The following GPC2 variants were observed in gnomAD, a reference collection of about 807,000 sequenced individuals.
GPC2 encodes glypican-2.
Under a neutral mutation model 57.3 loss-of-function variants are expected in GPC2, and 42 were observed. The observed-to-expected ratio is 0.73, with a 90% CI of 0.57 to 0.95. The LOEUF (loss-of-function observed/expected upper bound fraction) is 0.95, where lower values mean the gene tolerates loss of function less well. Among genes scored for constraint, GPC2 ranks in the 40% least tolerant of loss-of-function variants. The pLI, the probability that GPC2 is intolerant of heterozygous loss-of-function variation, is 0.00. For synonymous variants in GPC2, 364 were observed against 343.4 expected (o/e 1.06, Z -0.66); for missense variants, 745 against 793.6 (o/e 0.94, Z 0.74).
chr7:100,177,281 C>T lies in GPC2; in HGVS notation c.-82G>A. ...CAAACTCGGGAATCCGGTACTCGGCCGCGGGACCGCTCCGCGGGCCAGAGA... is the reference window on the plus strand; with the variant it reads ...CAAACTCGGGAATCCGGTACTCGGCTGCGGGACCGCTCCGCGGGCCAGAGA... On this transcript the variant is annotated 5_prime_UTR_variant, in exon 1 of 10. Coordinates refer to ENST00000292377, the MANE Select transcript of GPC2 (RefSeq NM_152742.3). 2 of 1,247,882 alleles carry T rather than the reference C, an allele frequency of 1.6e-6. No homozygotes were observed. The highest frequency in any genetic ancestry group is 3.1e-5 in the South Asian group (2 of 63,928). 77.3% of individuals were successfully genotyped at this position (1,247,882 alleles called of 1,614,324 possible).
Position 100,176,271 on chromosome 7 carries a change from G to C in GPC2, c.261C>G (p.Gly87=). 6.2e-7 allele frequency: 1 copy of C among 1,614,018 alleles called. No homozygotes were observed. The highest frequency in any genetic ancestry group is 8.5e-7 in the Non-Finnish European group (1 of 1,179,948). ...LIRETEATFR[G]LVEDSGSFLV... is the part of the protein sequence containing the mutation. ...GAAAGGAGCCGCTGTCCTCCACCAG[G>C]CCTCGGAAGGTGGCCTCAGTCTCCC... Residue 87 remains glycine (G), a synonymous_variant, in exon 2 of 10, where the codon GGC becomes GGG. Coordinates refer to ENST00000292377, the MANE Select transcript of GPC2 (RefSeq NM_152742.3).
chr7:100,171,754 C>T lies in GPC2; in HGVS notation c.1170+25G>A, dbSNP rs1414555130. 1 of 1,513,062 alleles carries T rather than the reference C, an allele frequency of 6.6e-7. No homozygotes were observed. Among genetic ancestry groups the T allele is most frequent in the South Asian group, 1.2e-5 (1 of 81,128 alleles). 93.7% of individuals were successfully genotyped at this position (1,513,062 alleles called of 1,614,324 possible). A position where few individuals can be genotyped will look rare whatever the true frequency, so the allele number is the denominator to read the frequency against. ...ATCCCCGGCCCCGGGCCCCCCCGCCCCCAACTCTTGGTCATCCCACGCACC... is the reference window on the plus strand; with the variant it reads ...ATCCCCGGCCCCGGGCCCCCCCGCCTCCAACTCTTGGTCATCCCACGCACC... On this transcript the variant is annotated intron_variant, in intron 7 of 9. Coordinates refer to ENST00000292377, the MANE Select transcript of GPC2 (RefSeq NM_152742.3). This position sits in a 1 kb window ranked among gnomAD's most constrained non-coding sequence, Gnocchi z 4.8.
chr7:100,175,564 T>A lies in GPC2; in HGVS notation c.648+8A>T. The stretch of plus-strand genomic sequence containing the variant: ...AGTGGTTGAAGCTCAGGCCTCAGGA[T>A]CCCTCACCTGCAGGCGGAGGCGGCG... On this transcript the variant is annotated splice_region_variant and intron_variant, in intron 3 of 9. Coordinates refer to ENST00000292377, the MANE Select transcript of GPC2 (RefSeq NM_152742.3). 6.2e-7 allele frequency: 1 copy of A among 1,600,330 alleles called. No individual in the cohort carries two copies. The highest frequency in any genetic ancestry group is 1.1e-5 in the South Asian group (1 of 89,602).
Position 100,174,706 on chromosome 7 carries a change from A to G in GPC2, c.708T>C (p.Asn236=). 6.2e-7 allele frequency: 1 copy of G among 1,613,590 alleles called. No individual in the cohort carries two copies. Among genetic ancestry groups the G allele is most frequent in the South Asian group, 1.1e-5 (1 of 91,024 alleles). ...CAACCTTAAGCGCTTCGCTGACCAC[A>G]TTTCTTCCAGTCTCCAGGCCCTGCA... is the stretch of plus-strand genomic sequence containing the variant. ...AFVQGLETGR[N]VVSEALKVPV... is the part of the protein sequence containing the mutation. The change falls in exon 4 of 10, where the codon AAT becomes AAC. Residue 236 remains asparagine, a synonymous_variant. Coordinates refer to ENST00000292377, the MANE Select transcript of GPC2 (RefSeq NM_152742.3).
chr7:100,172,751 A>ATATATATGTGTG (rs1799205618), intron 5 of GPC2, among the ~76,000 whole-genome samples: 2 of 146,600 alleles, frequency 1.4e-5, no homozygotes, highest in Admixed American at 1.4e-4. Context: ...ATATGTGTGT[A>ATATATATGTGTG]TATATATGTG....
chr7:100,175,473 C>T, intron 3 of GPC2, 99 bp downstream of exon 3: 1 of 918,062 alleles, frequency 1.1e-6, no homozygotes, highest in Non-Finnish European at 1.7e-6. Context: ...ATCACCAGGT[C>T]AGAGGTGACT....
At chr7:100,175,472 T>TC in intron 3 of GPC2, 100 bp downstream of exon 3, 1 of 910,430 alleles carries the variant, frequency 1.1e-6, no homozygotes, top group South Asian at 1.6e-5. Flanking sequence ...GATCACCAGG[T>TC]CAGAGGTGAC....
chr7:100,175,597 T>C lies in GPC2; in HGVS notation c.623A>G (p.Asp208Gly). 4 of 1,611,376 alleles carry C rather than the reference T, an allele frequency of 2.5e-6. No individual in the cohort carries two copies. Among genetic ancestry groups the C allele is most frequent in the South Asian group, 2.2e-5 (2 of 90,852 alleles). Residue 208 changes from aspartate (D) to glycine (G), a missense_variant, in exon 3 of 10, where the codon GAC becomes GGC. Coordinates refer to ENST00000292377, the MANE Select transcript of GPC2 (RefSeq NM_152742.3). The stretch of plus-strand genomic sequence containing the variant: ...CTGCAGGCGGAGGCGGCGGGGTGAG[T>C]CCCCAAAGGGCTGCAGAGAGCCATC... Reference protein sequence around the residue: ...STDGSLQPFGDSPRRLRLQIT... With the variant: ...STDGSLQPFGGSPRRLRLQIT...
rs760373036 is a variant in GPC2 at position 100,172,186 on chromosome 7, C to G, written c.924G>C (p.Gln308His). 3.7e-6 allele frequency: 6 copies of G among 1,613,918 alleles called. No individual in the cohort carries two copies. Among genetic ancestry groups the G allele is most frequent in the Non-Finnish European group, 5.1e-6 (6 of 1,179,972 alleles). Residue 308 changes from glutamine (Q) to histidine (H), a missense_variant, in exon 6 of 10, where the codon CAG becomes CAC. Gln to His is a conservative substitution (Grantham distance 24). Coordinates refer to ENST00000292377, the MANE Select transcript of GPC2 (RefSeq NM_152742.3). ...DGLLILADKL[Q>H]GPFSFELTAE... ...CCGTCAGCTCAAAGGAAAAGGGGCCCTGGAGCTTATCAGCCAGGATCAGGA... is the reference window on the plus strand; with the variant it reads ...CCGTCAGCTCAAAGGAAAAGGGGCCGTGGAGCTTATCAGCCAGGATCAGGA...
chr7:100,170,271 T>A lies in GPC2; in HGVS notation c.1699A>T (p.Ile567Phe), dbSNP rs201638394. The change falls in exon 10 of 10, where the codon ATT becomes TTT. Residue 567 changes from isoleucine (I) to phenylalanine (F), a missense_variant. Around this residue, in one of 2 missense-constraint regions of GPC2, gnomAD observed 607 missense variants for 603.9 expected, o/e 1.01. Coordinates refer to ENST00000292377, the MANE Select transcript of GPC2 (RefSeq NM_152742.3). ...SIGFHTQTIL[I>F]LSLSALALLG... ...AGGGCCAGGGCTGAGAGGGAGAGAA[T>A]GAGGATGGTTTGGGTGTGAAAACCA... 4.9e-4 allele frequency: 778 copies of A among 1,583,368 alleles called. No individual in the cohort carries two copies. Among genetic ancestry groups the A allele is most frequent in the Non-Finnish European group, 6.4e-4 (749 of 1,164,292 alleles).
rs760847161 is a variant in GPC2 at position 100,171,238 on chromosome 7, G to A, written c.1486+23C>T. On this transcript the variant is annotated intron_variant, in intron 9 of 9. Coordinates refer to ENST00000292377, the MANE Select transcript of GPC2 (RefSeq NM_152742.3). The surrounding 1 kb of genome is among the most constrained non-coding windows in gnomAD (Gnocchi z 4.8). ...CTTCAGGGCAGTGGGCGGGGCTCAG[G>A]CTCAGGGATGCAGGGGTCTCACCCG... 1.3e-5 allele frequency: 19 copies of A among 1,515,562 alleles called. No homozygotes were observed. The highest frequency in any genetic ancestry group is 1.6e-5 in the Non-Finnish European group (18 of 1,130,750). The allele number at this position is 1,515,562 out of a possible 1,614,324, so 93.9% of individuals were successfully genotyped here.
At chr7:100,170,684 T>TG (rs1181543218) in intron 9 of GPC2, among the ~76,000 whole-genome samples, 2 of 148,084 alleles carry the variant, frequency 1.4e-5, no homozygotes, top group African/African-American at 5.0e-5. Flanking sequence ...ACAGCAGACA[T>TG]GGGGGGAGAG....
intron 3 of GPC2, 46 bp from the exon 4 acceptor site, chr7:100,174,811 G>T (rs1462262251): frequency 6.9e-7 from 1 of 1,449,938 alleles, no homozygotes; most frequent in Non-Finnish European, 9.7e-7. Context: ...GGTTGTTATG[G>T]GTCAGTCAAG....
Position 100,170,318 on chromosome 7 carries a change from C to T in GPC2, c.1652G>A (p.Ser551Asn). ...GGSARYNQGR[S>N]RSGGASIGFH... ...ACCAATAGATGCCCCCCCACTCCTG[C>T]TCCGGCCCTGGTTGTAGCGGGCACT... Residue 551 changes from serine to asparagine, a missense_variant, in exon 10 of 10, where the codon AGC (serine) becomes AAC (asparagine). Around this residue, in one of 2 missense-constraint regions of GPC2, gnomAD observed 607 missense variants for 603.9 expected, o/e 1.01. Transcript: ENST00000292377. 6.2e-7 allele frequency: 1 copy of T among 1,611,456 alleles called. No homozygotes were observed. Among genetic ancestry groups the T allele is most frequent in the East Asian group, 2.2e-5 (1 of 44,670 alleles).
chr7:100,176,992 G>A, intron 1 of GPC2, 42 bp downstream of exon 1: 1 of 754,504 alleles, frequency 1.3e-6, no homozygotes, highest in South Asian at 3.9e-5. Context: ...CCCCGCCCCC[G>A]CCCCCCACCC....
chr7:100,170,231 T>C lies in GPC2; in HGVS notation c.1739A>G (p.Ter580=). The change falls in exon 10 of 10, where the codon TAA becomes TGA. Residue 580 remains the stop codon, a stop_retained_variant. Coordinates refer to ENST00000292377, the MANE Select transcript of GPC2 (RefSeq NM_152742.3). ...LSALALLGPR[*] ...TGATGCTAGGGCACCCCTCCCCCGT[T>C]ATCGAGGTCCAAGCAGGGCCAGGGC... The C allele has an allele frequency of 1.3e-6, 2 of 1,550,868 alleles. No individual in the cohort carries two copies. The highest frequency in any genetic ancestry group is 1.7e-6 in the Non-Finnish European group (2 of 1,146,396).
At position 100,171,644 on chromosome 7, in the gene GPC2, C is replaced by G. The variant is rs1282716087; in HGVS notation, c.1205G>C (p.Arg402Pro). The G allele has an allele frequency of 1.3e-6, 2 of 1,526,030 alleles. No homozygotes were observed. Among genetic ancestry groups the G allele is most frequent in the South Asian group, 1.2e-5 (1 of 82,376 alleles). 94.5% of individuals were successfully genotyped at this position (1,526,030 alleles called of 1,614,324 possible). A position where few individuals can be genotyped will look rare whatever the true frequency, so the allele number is the denominator to read the frequency against. ...WELRERLARM[R>P]GFWARLSLTV... is the part of the protein sequence containing the mutation. ...CAGGGACAGCCGGGCCCAGAAGCCCCGCATCCGGGCCAGACGCTCGCGGAG... is the reference window on the plus strand; with the variant it reads ...CAGGGACAGCCGGGCCCAGAAGCCCGGCATCCGGGCCAGACGCTCGCGGAG... The change falls in exon 8 of 10, where the codon CGG (arginine) becomes CCG (proline). Residue 402 changes from arginine to proline, a missense_variant. Around this residue, in one of 2 missense-constraint regions of GPC2, gnomAD observed 607 missense variants for 603.9 expected, o/e 1.01. Coordinates refer to ENST00000292377, the MANE Select transcript of GPC2 (RefSeq NM_152742.3). The surrounding 1 kb of genome is among the most constrained non-coding windows in gnomAD (Gnocchi z 4.8).
rs1232047960 is a variant in GPC2 at position 100,171,444 on chromosome 7, C to T, written c.1311-8G>A. 3 of 1,397,208 alleles carry T rather than the reference C, an allele frequency of 2.1e-6. No individual in the cohort carries two copies. The highest frequency in any genetic ancestry group is 6.1e-5 in the East Asian group (2 of 32,816). 86.6% of individuals were successfully genotyped at this position (1,397,208 alleles called of 1,614,324 possible). ...ACCACTGGCGGCAAGTACCTGCGAGCAGAGCAGCCCCGAAGCGCCAGCTAG... is the reference window on the plus strand; with the variant it reads ...ACCACTGGCGGCAAGTACCTGCGAGTAGAGCAGCCCCGAAGCGCCAGCTAG... On this transcript the variant is annotated splice_polypyrimidine_tract_variant and splice_region_variant and intron_variant, in intron 8 of 9. Transcript: ENST00000292377. The surrounding 1 kb of genome is among the most constrained non-coding windows in gnomAD (Gnocchi z 4.8).
chr7:100,171,694 G>A lies in GPC2; in HGVS notation c.1171-16C>T. The A allele has an allele frequency of 2.7e-6, 4 of 1,480,944 alleles. No individual in the cohort carries two copies. The highest frequency in any genetic ancestry group is 3.6e-6 in the Non-Finnish European group (4 of 1,126,078). 91.7% of individuals were successfully genotyped at this position (1,480,944 alleles called of 1,614,324 possible). ...GCTCCCACACCTGGGCGGGCGAGAGGGGGCGGGGCGAGCTGGAGCGCGACC... is the reference window on the plus strand; with the variant it reads ...GCTCCCACACCTGGGCGGGCGAGAGAGGGCGGGGCGAGCTGGAGCGCGACC... On this transcript the variant is annotated splice_polypyrimidine_tract_variant and intron_variant, in intron 7 of 9. Transcript: ENST00000292377. The surrounding 1 kb of genome is among the most constrained non-coding windows in gnomAD (Gnocchi z 4.8).
Sources: gnomAD v4.1 joint callset for allele counts (sites outside exome capture counted in the v4.1 genomes callset) on GRCh38, gnomAD v4.1.1 for gene constraint, gnomAD v4.1.1 regional missense constraint, Gnocchi (gnomAD v3.1) non-coding constraint, MANE v1.5 for transcripts, NCBI Gene and HGNC (gene_info 2026-07-23, HGNC 2026-07-21) for gene names.